AKR7A2: variants seen among roughly 807,000 people sequenced by gnomAD.
AKR7A2 encodes aflatoxin B1 aldehyde reductase member 2.
A neutral mutation model predicts 37.3 loss-of-function variants in AKR7A2; 29 were observed. That is an observed-to-expected ratio of 0.78 (90% CI 0.58 to 1.06). AKR7A2 has a LOEUF of 1.06. Among genes scored for constraint, AKR7A2 ranks in the 50% least tolerant of loss-of-function variants. The probability of loss-of-function intolerance (pLI) is 0.00; values close to 1 mark genes in which losing one functional copy is unlikely to be tolerated. For missense variants in AKR7A2, 529 were observed against 497.9 expected, an observed-to-expected ratio of 1.06 and a Z score of -0.59; for synonymous variants, 228 against 217.8, an observed-to-expected ratio of 1.05 and a Z score of -0.41.
chr1:19,308,185 A>G lies in AKR7A2; in HGVS notation c.564T>C (p.Asn188=), dbSNP rs749041413. Residue 188 remains asparagine, a synonymous_variant, in exon 3 of 7, where the codon AAT becomes AAC. Coordinates refer to ENST00000235835, the MANE Select transcript of AKR7A2 (RefSeq NM_003689.4). ...VAEICTLCKS[N]GWILPTVYQG... ...GGTACACAGTGGGCAGGATCCAGCC[A>G]TTGCTCTTGCAGAGGGTACAGATCT... The G allele has an allele frequency of 5.1e-5, 83 of 1,613,956 alleles. No individual in the cohort carries two copies. The highest frequency in any genetic ancestry group is 3.3e-4 in the Middle Eastern group (2 of 6,082).
At chr1:19,306,172 G>A (rs1282822415) in intron 5 of AKR7A2, 25 bp from the exon 6 acceptor site, 1 of 1,614,154 alleles carries the variant, frequency 6.2e-7, no homozygotes, top group Non-Finnish European at 8.5e-7. Context: ...TGTTAGCACA[G>A]GGGTCAGTAC....
chr1:19,309,395 G>A (rs1346047918), intron 1 of AKR7A2, among the ~76,000 whole-genome samples: 2 of 152,206 alleles, frequency 1.3e-5, no homozygotes, highest in African/African-American at 2.4e-5. Context: ...AAGAGTTTAG[G>A]AAAGCGAAGC....
Position 19,308,596 on chromosome 1 carries a change from C to G in AKR7A2, c.345G>C (p.Lys115Asn), listed in dbSNP as rs1364140294. 1 of 1,614,054 alleles carries G rather than the reference C, an allele frequency of 6.2e-7. No homozygotes were observed. Among genetic ancestry groups the G allele is most frequent in the African/African-American group, 1.3e-5 (1 of 74,928 alleles). ...CCAGCTGGGACCGGACACTGTCAGG[C>G]TTTAGTGATTTTCCATCCCAAGGGT... ...KANPWDGKSL[K>N]PDSVRSQLET... The change falls in exon 2 of 7, where the codon AAG (lysine) becomes AAC (asparagine). Residue 115 changes from lysine (K) to asparagine (N), a missense_variant. By Grantham distance (94) the Lys-to-Asn change is moderately conservative (BLOSUM62 0). Transcript: ENST00000235835.
At chr1:19,310,095 A>C (rs1387335207) in intron 1 of AKR7A2, among the ~76,000 whole-genome samples, 1 of 135,796 alleles carries the variant, frequency 7.4e-6, no homozygotes, top group Non-Finnish European at 1.5e-5. Context: ...AAAACAAAAC[A>C]AAAAAAAAGA....
chr1:19,303,092 A>C (rs1386528129), downstream of AKR7A2, among the ~76,000 whole-genome samples: 1 of 152,112 alleles, frequency 6.6e-6, no homozygotes, highest in Non-Finnish European at 1.5e-5. Flanking sequence ...GTTACGGGTA[A>C]ACAGAAAAGA....
chr1:19,303,866 C>T (rs1428110940), downstream of AKR7A2: 3 of 359,742 alleles, frequency 8.3e-6, no homozygotes, highest in Non-Finnish European at 1.6e-5. Flanking sequence ...TGTGACCCTC[C>T]TACTACCTCT....
chr1:19,305,626 A>G (rs1266906987), intron 6 of AKR7A2, among the ~76,000 whole-genome samples: 1 of 152,224 alleles, frequency 6.6e-6, no homozygotes, highest in African/African-American at 2.4e-5. Context: ...GGTGTGGGTC[A>G]CTGCCACTGA....
intron 1 of AKR7A2, among the ~76,000 whole-genome samples, chr1:19,310,420 G>A (rs1274227052): frequency 7.3e-5 from 11 of 151,402 alleles, no homozygotes; most frequent in South Asian, 2.1e-4. Flanking sequence ...TAACGTGGCC[G>A]GGCGTGGTGG....
chr1:19,311,926 C>T lies in AKR7A2; in HGVS notation c.199G>A (p.Gly67Ser), dbSNP rs554728072. ...AAGGCCGTGTCCAGTTCGGTGTGGC[C>T]GCGCTCCAGAAAGGCGCGCACGGCC... ...AAAVRAFLER[G>S]HTELDTAFMY... is the part of the protein sequence containing the mutation. The change falls in exon 1 of 7, where the codon GGC becomes AGC. Residue 67 changes from glycine (G) to serine (S), a missense_variant. Physicochemically the swap from Gly to Ser is moderately conservative, Grantham distance 56. Transcript: ENST00000235835. 6.2e-7 allele frequency: 1 copy of T among 1,608,094 alleles called. No individual in the cohort carries two copies. The highest frequency in any genetic ancestry group is 1.1e-5 in the South Asian group (1 of 90,620).
In AKR7A2 at chr1:19,311,969, G is replaced by T. The variant is rs1569706468; in HGVS notation, c.156C>A (p.Asp52Glu). Residue 52 changes from aspartate to glutamate, a missense_variant, in exon 1 of 7, where the codon GAC becomes GAA. Transcript: ENST00000235835. ...LGTMEMGRRMDAPASAAAVRA... is the reference protein window; with the variant it reads ...LGTMEMGRRMEAPASAAAVRA... ...GCACGGCCGCGGCGCTGGCGGGCGCGTCCATGCGGCGCCCCATCTCCATGG... is the reference window on the plus strand; with the variant it reads ...GCACGGCCGCGGCGCTGGCGGGCGCTTCCATGCGGCGCCCCATCTCCATGG... The T allele has an allele frequency of 6.4e-7, 1 of 1,567,490 alleles. No individual in the cohort carries two copies.
chr1:19,312,016 G>A lies in AKR7A2; in HGVS notation c.109C>T (p.Arg37Trp). 6.9e-7 allele frequency: 1 copy of A among 1,455,112 alleles called. No homozygotes were observed. Among genetic ancestry groups the A allele is most frequent in the Non-Finnish European group, 9.0e-7 (1 of 1,108,564 alleles). 90.1% of individuals were successfully genotyped at this position (1,455,112 alleles called of 1,614,324 possible). A position where few individuals can be genotyped will look rare whatever the true frequency, so the allele number is the denominator to read the frequency against. The change falls in exon 1 of 7, where the codon CGG (arginine) becomes TGG (tryptophan). Residue 37 changes from arginine to tryptophan, a missense_variant. Physicochemically the swap from Arg to Trp is moderately radical, Grantham distance 101. Coordinates refer to ENST00000235835, the MANE Select transcript of AKR7A2 (RefSeq NM_003689.4). ...ALAMSRPPPP[R>W]VASVLGTMEM... ...ATGGTGCCCAGCACCGAGGCGACCC[G>A]CGGTGGCGGTGGCCGGGACATGGCG...
At chr1:19,303,808 G>T (rs1217554842), downstream of AKR7A2, among the ~76,000 whole-genome samples, 1 of 152,156 alleles carries the variant, frequency 6.6e-6, no homozygotes, top group Non-Finnish European at 1.5e-5. Flanking sequence ...GGTCAGGTGG[G>T]TATTCAGACC....
chr1:19,306,859 A>G, intron 5 of AKR7A2, 143 bp downstream of exon 5: 1 of 754,384 alleles, frequency 1.3e-6, no homozygotes, highest in South Asian at 1.5e-5. Flanking sequence ...AAACCCACAG[A>G]GGGCTTGGGA....
intron 1 of AKR7A2, 49 bp downstream of exon 1, chr1:19,311,778 C>T: frequency 6.2e-7 from 1 of 1,606,248 alleles, no homozygotes; most frequent in Non-Finnish European, 8.5e-7. Context: ...CGGCTGGGGA[C>T]AGGCTCAGCT....
At chr1:19,303,682 T>C (rs2093756044), downstream of AKR7A2, among the ~76,000 whole-genome samples, 1 of 152,224 alleles carries the variant, frequency 6.6e-6, no homozygotes. Context: ...TTTGTCCCAG[T>C]TGTTTCATTC....
intron 1 of AKR7A2, among the ~76,000 whole-genome samples, chr1:19,309,970 G>A (rs2093769155): frequency 6.6e-6 from 1 of 152,158 alleles, no homozygotes; most frequent in Non-Finnish European, 1.5e-5. Flanking sequence ...CAGCTACTTA[G>A]GAGGCTGAGG....
rs183003039 is a variant in AKR7A2 at position 19,307,344 on chromosome 1, G to C, written c.658C>G (p.Leu220Val). 6.2e-7 allele frequency: 1 copy of C among 1,613,860 alleles called. No homozygotes were observed. The highest frequency in any genetic ancestry group is 2.2e-5 in the East Asian group (1 of 44,888). ...ELFPCLRHFG[L>V]RFYAYNPLAG... Reference sequence around the variant, plus strand: ...AGAGGGTTGTAGGCATAGAACCTCAGTCCAAAGTGCCTGAGGCAGGGGAAG... The same window carrying C: ...AGAGGGTTGTAGGCATAGAACCTCACTCCAAAGTGCCTGAGGCAGGGGAAG... The change falls in exon 4 of 7, where the codon CTG becomes GTG. Residue 220 changes from leucine to valine, a missense_variant. Physicochemically the swap from Leu to Val is conservative, Grantham distance 32. Transcript: ENST00000235835.
chr1:19,304,772 C>T (rs956279176), intron 6 of AKR7A2, among the ~76,000 whole-genome samples: 1 of 151,930 alleles, frequency 6.6e-6, no homozygotes, highest in Non-Finnish European at 1.5e-5. Context: ...TCTGTCTCTA[C>T]AAAAAACAAC....
At chr1:19,309,950 C>A (rs1297613338) in intron 1 of AKR7A2, among the ~76,000 whole-genome samples, 1 of 152,064 alleles carries the variant, frequency 6.6e-6, no homozygotes, top group Non-Finnish European at 1.5e-5. Context: ...GTGGCACGTG[C>A]CTGTAACCCC....
Sources: allele counts gnomAD v4.1 joint callset (sites outside exome capture counted in the v4.1 genomes callset), GRCh38; gene constraint gnomAD v4.1.1; transcripts MANE v1.5; gene names NCBI Gene and HGNC (gene_info 2026-07-23, HGNC 2026-07-21).